The following CADM2 variants were observed in gnomAD, a reference collection of about 807,000 sequenced individuals.
CADM2 encodes the protein cell adhesion molecule 2.
In CADM2, 12 loss-of-function variants were observed where a neutral mutation model predicts 49.8. The ratio of observed to expected loss-of-function variants is 0.24; its 90% CI spans 0.15 to 0.39. The LOEUF (loss-of-function observed/expected upper bound fraction) is 0.39, where lower values mean the gene tolerates loss of function less well. Ranked by LOEUF, CADM2 falls within the 10% of genes least tolerant of loss-of-function variation. The probability of loss-of-function intolerance (pLI) is 1.00; values close to 1 mark genes in which losing one functional copy is unlikely to be tolerated. For missense variants in CADM2, 378 were observed against 492.3 expected, an observed-to-expected ratio of 0.77 and a Z score of 2.20; for synonymous variants, 214 against 175.4, an observed-to-expected ratio of 1.22 and a Z score of -1.74.
chr3:85,999,197 G>C (rs1346403980), intron 8 of CADM2, among the ~76,000 whole-genome samples: 1 of 149,420 alleles, frequency 6.7e-6, no homozygotes, highest in Non-Finnish European at 1.5e-5. Context: ...GTGATAACCT[G>C]AAAAGTACTT....
intron 1 of CADM2, among the ~76,000 whole-genome samples, chr3:85,413,424 T>C (rs982619828): frequency 7.9e-5 from 12 of 152,106 alleles, no homozygotes; most frequent in African/African-American, 2.9e-4. Context: ...ATATATGTAC[T>C]GATCTCTTCT....
At chr3:85,580,331 A>C (rs893157153) in intron 1 of CADM2, among the ~76,000 whole-genome samples, 1 of 152,104 alleles carries the variant, frequency 6.6e-6, no homozygotes, top group African/African-American at 2.4e-5. Flanking sequence ...CCATTTAAGA[A>C]AAAAAAATAA....
rs551738791 is a variant in CADM2 at position 85,216,564 on chromosome 3, G to A, written c.61+256896G>A. 3.3e-5 allele frequency among the ~76,000 whole-genome samples: 5 copies of A among 151,878 alleles called. No homozygotes were observed. The South Asian group carries it at 1.0e-3, about 32-fold the overall frequency. ...AAGCCACATCTTTTGATACAATAAA[G>A]CTGCTTTTTCAGACTGACAGAAAAC... On this transcript the variant is annotated intron_variant, in intron 1 of 9. Coordinates refer to ENST00000383699, the MANE Select transcript of CADM2 (RefSeq NM_001167675.2).
At chr3:86,051,446 C>G (rs950348163) in intron 8 of CADM2, among the ~76,000 whole-genome samples, 2 of 152,164 alleles carry the variant, frequency 1.3e-5, no homozygotes, top group African/African-American at 2.4e-5. Context: ...GCCCTCCAAA[C>G]TTTTTCCAGC....
At chr3:86,027,711 T>C (rs1271430674) in intron 8 of CADM2, among the ~76,000 whole-genome samples, 1 of 152,144 alleles carries the variant, frequency 6.6e-6, no homozygotes, top group African/African-American at 2.4e-5. Context: ...ATATAAACTT[T>C]GAAAAATATG....
intron 2 of CADM2, among the ~76,000 whole-genome samples, chr3:85,734,460 T>G (rs904445782): frequency 7.9e-5 from 12 of 151,506 alleles, no homozygotes; most frequent in Admixed American, 5.3e-4. Flanking sequence ...TACACAAACA[T>G]TTACATGTAG....
At chr3:85,049,367 T>TTTA (rs1559634743) in intron 1 of CADM2, among the ~76,000 whole-genome samples, 232 of 91,328 alleles carry the variant, frequency 2.5e-3, no homozygotes, top group African/African-American at 0.019. Flanking sequence ...TTATTTATTT[T>TTTA]TGAGATGGAG....
chr3:85,349,856 A>G (rs1484988412), intron 1 of CADM2, among the ~76,000 whole-genome samples: 3 of 152,232 alleles, frequency 2.0e-5, no homozygotes, highest in Non-Finnish European at 4.4e-5. Flanking sequence ...GAACTGGACT[A>G]GGATGGGTTA....
chr3:86,025,779 AT>A (rs1733839982), intron 8 of CADM2, among the ~76,000 whole-genome samples: 1 of 152,142 alleles, frequency 6.6e-6, no homozygotes, highest in Non-Finnish European at 1.5e-5. Context: ...TTCCTCTGAA[AT>A]TTATTTTATC....
rs538751462 is a variant in CADM2, at chr3:85,389,151, A to G, written c.62-337371A>G. Among the ~76,000 whole-genome samples the G allele has an allele frequency of 2.0e-4, 31 of 152,262 alleles. 1 individual carries two copies. Among genetic ancestry groups the G allele is most frequent in the Admixed American group, 1.8e-3 (28 of 15,300 alleles). The stretch of plus-strand genomic sequence containing the variant: ...CACTTATGTGCATTTCTATGGCGCC[A>G]TAGAGTAATTGAATAGAATGGTCAC... On this transcript the variant is annotated intron_variant, in intron 1 of 9. Transcript: ENST00000383699.
intron 1 of CADM2, among the ~76,000 whole-genome samples, chr3:84,968,221 A>G (rs1660256390): frequency 6.6e-6 from 1 of 151,946 alleles, no homozygotes; most frequent in Admixed American, 6.6e-5. Context: ...GGATTCAAGA[A>G]TCAACTTTTC....
intron 1 of CADM2, among the ~76,000 whole-genome samples, chr3:85,465,141 C>A (rs1461530054): frequency 6.6e-6 from 1 of 152,126 alleles, no homozygotes; most frequent in Non-Finnish European, 1.5e-5. Flanking sequence ...CAGAACGAGA[C>A]TCTGTCTCAA....
At chr3:84,983,936 A>G (rs1356741728) in intron 1 of CADM2, among the ~76,000 whole-genome samples, 1 of 152,040 alleles carries the variant, frequency 6.6e-6, no homozygotes, top group Non-Finnish European at 1.5e-5. Context: ...ACATAGGTGG[A>G]CATTATCAAC....
intron 1 of CADM2, among the ~76,000 whole-genome samples, chr3:85,319,139 G>T (rs1283408233): frequency 2.0e-5 from 3 of 152,120 alleles, no homozygotes; most frequent in Non-Finnish European, 4.4e-5. Flanking sequence ...TGTATTAGAA[G>T]TTCTGATAAT....
chr3:85,645,645 A>T (rs1255656610), intron 1 of CADM2, among the ~76,000 whole-genome samples: 1 of 151,976 alleles, frequency 6.6e-6, no homozygotes, highest in African/African-American at 2.4e-5. Context: ...ATTAAAATTA[A>T]TCTTGGATAT....
At chr3:85,809,659 C>T (rs561022557) in intron 3 of CADM2, among the ~76,000 whole-genome samples, 4 of 11,294 alleles carry the variant, frequency 3.5e-4, no homozygotes, top group Middle Eastern at 0.031. Context: ...ACATTTTCTC[C>T]CTTCCTTCCT....
At chr3:85,310,034 G>A (rs777806567) in intron 1 of CADM2, among the ~76,000 whole-genome samples, 2 of 152,066 alleles carry the variant, frequency 1.3e-5, no homozygotes, top group African/African-American at 4.8e-5. Context: ...AATGATTTTG[G>A]TGTATCTCTT....
At chr3:85,412,794 C>T (rs1033248478) in intron 1 of CADM2, among the ~76,000 whole-genome samples, 1 of 152,064 alleles carries the variant, frequency 6.6e-6, no homozygotes, top group Non-Finnish European at 1.5e-5. Context: ...ATGCATCACA[C>T]TACAATTATG....
At chr3:85,158,067 G>A (rs940760090) in intron 1 of CADM2, among the ~76,000 whole-genome samples, 36 of 152,204 alleles carry the variant, frequency 2.4e-4, no homozygotes, top group African/African-American at 8.4e-4. Context: ...AGCCATTTAT[G>A]CAGCCAAAAA....
Sources: gnomAD v4.1 joint callset for allele counts (sites outside exome capture counted in the v4.1 genomes callset) on GRCh38, gnomAD v4.1.1 for gene constraint, MANE v1.5 for transcripts, NCBI Gene and HGNC (gene_info 2026-07-23, HGNC 2026-07-21) for gene names.